Variants in NUP205 observed in about 807,000 individuals in gnomAD.
NUP205 encodes nucleoporin 205, also known as nuclear pore complex protein Nup205.
A neutral mutation model predicts 253.8 loss-of-function variants in NUP205; 76 were observed. The ratio of observed to expected loss-of-function variants is 0.30; its 90% CI spans 0.25 to 0.36. The LOEUF (loss-of-function observed/expected upper bound fraction) is 0.36. Among genes scored for constraint, NUP205 ranks in the 10% least tolerant of loss-of-function variants. NUP205 has a pLI of 1.00. For missense variants in NUP205, 2,162 were observed against 2,425.5 expected (o/e 0.89, Z 2.28); for synonymous variants, 832 against 850.1 (o/e 0.98, Z 0.37).
intron 10 of NUP205, among the ~76,000 whole-genome samples, chr7:135,589,731 G>C (rs1288123728): frequency 6.6e-6 from 1 of 151,316 alleles, no homozygotes; most frequent in East Asian, 1.9e-4. Context: ...AGGAGTTTTA[G>C]ACTAGTCTGA....
intron 1 of NUP205, among the ~76,000 whole-genome samples, chr7:135,567,174 A>ATATATATATATG (rs1805803075): frequency 1.9e-5 from 2 of 105,824 alleles, no homozygotes; most frequent in Non-Finnish European, 3.9e-5. Context: ...ATATATATAT[A>ATATATATATATG]TATATATGTA....
chr7:135,626,419 G>GA (rs60219549), intron 33 of NUP205, 58 bp downstream of exon 33: 54 of 1,534,926 alleles, frequency 3.5e-5, no homozygotes, highest in Non-Finnish European at 4.6e-5. Flanking sequence ...ATTAAGGGAA[G>GA]AAAAAATTCC....
chr7:135,616,283 A>G (rs1794356498), intron 24 of NUP205, among the ~76,000 whole-genome samples: 2 of 152,224 alleles, frequency 1.3e-5, no homozygotes, highest in South Asian at 4.1e-4. Context: ...CCGGTATTAT[A>G]TACAAAATTG....
chr7:135,570,835 A>AT (rs1805972098), intron 1 of NUP205, among the ~76,000 whole-genome samples: 1 of 44,386 alleles, frequency 2.3e-5, no homozygotes, highest in Non-Finnish European at 4.5e-5. Context: ...TATAAATTAT[A>AT]TATTATATAT....
chr7:135,605,090 C>G (rs1794059156), intron 19 of NUP205, among the ~76,000 whole-genome samples: 1 of 151,752 alleles, frequency 6.6e-6, no homozygotes, highest in African/African-American at 2.4e-5. Flanking sequence ...GGAACTCGCT[C>G]TATCACCCAG....
intron 35 of NUP205, among the ~76,000 whole-genome samples, chr7:135,634,673 G>A (rs1196709429): frequency 2.0e-5 from 3 of 152,126 alleles, no homozygotes; most frequent in Admixed American, 1.3e-4. Context: ...AGAAGAGAAA[G>A]CGATCCTGGG....
intron 12 of NUP205, 45 bp downstream of exon 12, chr7:135,593,237 A>G: frequency 6.5e-7 from 1 of 1,529,840 alleles, no homozygotes; most frequent in African/African-American, 1.4e-5. Context: ...ATTATAGCAC[A>G]GTAGCATTTT....
At chr7:135,607,104 T>A in intron 21 of NUP205, 143 bp from the exon 22 acceptor site, 4 of 1,202,012 alleles carry the variant, frequency 3.3e-6, no homozygotes, top group Non-Finnish European at 4.6e-6. Context: ...GAATCAGCCT[T>A]TATCAATTTT....
At chr7:135,631,104 A>C (rs146084777) in intron 35 of NUP205, among the ~76,000 whole-genome samples, 1,646 of 152,264 alleles carry the variant, frequency 0.011, 27 homozygotes, top group African/African-American at 0.037. Context: ...AGAGAGAAAG[A>C]AAGCAACAGA....
chr7:135,562,566 T>G (rs1805617399), intron 1 of NUP205, among the ~76,000 whole-genome samples: 1 of 125,298 alleles, frequency 8.0e-6, no homozygotes, highest in Admixed American at 9.7e-5. Context: ...TTTTTTTTTT[T>G]GAGACAGAGT....
Position 135,600,741 on chromosome 7 carries a change from G to A in NUP205, c.2275-129G>A, listed in dbSNP as rs1220712300. 2.2e-5 allele frequency: 11 copies of A among 495,298 alleles called. 1 individual carries two copies. Among genetic ancestry groups the A allele is most frequent in the South Asian group, 1.4e-4 (3 of 21,214 alleles). 30.7% of individuals were successfully genotyped at this position (495,298 alleles called of 1,614,324 possible). ...AATTGGGATTTCTATATTGCTTAGC[G>A]TAAGTGAATAAAGTGGACAAGAAAC... is the stretch of plus-strand genomic sequence containing the variant. On this transcript the variant is annotated intron_variant, in intron 15 of 42. Transcript: ENST00000285968.
chr7:135,603,059 A>G, intron 18 of NUP205, 65 bp downstream of exon 18: 1 of 1,276,194 alleles, frequency 7.8e-7, no homozygotes, highest in Non-Finnish European at 1.1e-6. Context: ...TGATTTTCAA[A>G]TCTGGTTAGG....
In NUP205 at chr7:135,571,260, C is replaced by A; in HGVS notation, c.171+13C>A. ...GTTCAAAAATCCGGTAAGAAATTTT[C>A]TTTTTCAGTTTTTTTGGGATTTTTT... is the stretch of plus-strand genomic sequence containing the variant. On this transcript the variant is annotated intron_variant, in intron 2 of 42. Transcript: ENST00000285968. 7.3e-7 allele frequency: 1 copy of A among 1,362,716 alleles called. No individual in the cohort carries two copies. The highest frequency in any genetic ancestry group is 2.1e-5 in the South Asian group (1 of 48,760). 84.4% of individuals were successfully genotyped at this position (1,362,716 alleles called of 1,614,324 possible). A position where few individuals can be genotyped will look rare whatever the true frequency, so the allele number is the denominator to read the frequency against.
intron 15 of NUP205, among the ~76,000 whole-genome samples, chr7:135,599,869 T>C (rs1793926813): frequency 6.6e-6 from 1 of 152,198 alleles, no homozygotes. Context: ...GTGCTTTGGA[T>C]TGAGATAAAT....
chr7:135,625,425 AAATT>A, intron 32 of NUP205, 70 bp downstream of exon 32: 1 of 1,132,992 alleles, frequency 8.8e-7, no homozygotes, highest in Non-Finnish European at 1.2e-6. Context: ...GTATTAAAGA[AAATT>A]AATGTGGCAT....
chr7:135,570,050 T>TAGAGAGAGAG (rs768445558), intron 1 of NUP205, among the ~76,000 whole-genome samples: 18 of 88,916 alleles, frequency 2.0e-4, no homozygotes, highest in African/African-American at 6.6e-4. Context: ...TATATATATA[T>TAGAGAGAGAG]ATAGAGAGAG....
chr7:135,582,282 T>A (rs550895190), intron 7 of NUP205, among the ~76,000 whole-genome samples: 1 of 152,210 alleles, frequency 6.6e-6, no homozygotes, highest in South Asian at 2.1e-4. Context: ...AAGACTCTGT[T>A]TCAAAAAAAA....
rs759559866 is a variant in NUP205 at position 135,585,002 on chromosome 7, A to G, written c.1213A>G (p.Met405Val). The stretch of plus-strand genomic sequence containing the variant: ...CACAGATTTCCTTGCACTTATGCCA[A>G]TGAAGGTAAGTGTAATAATGTAGGA... ...LITDFLALMP[M>V]KVKQLRNRAD... Residue 405 changes from methionine to valine, a missense_variant, in exon 8 of 43, where the codon ATG becomes GTG. Coordinates refer to ENST00000285968, the MANE Select transcript of NUP205 (RefSeq NM_015135.3). 33 of 1,609,232 alleles carry G rather than the reference A, an allele frequency of 2.1e-5. 1 individual carries two copies. Among genetic ancestry groups the G allele is most frequent in the South Asian group, 3.3e-5 (3 of 90,910 alleles).
chr7:135,626,502 C>A, intron 33 of NUP205, 141 bp downstream of exon 33: 1 of 811,346 alleles, frequency 1.2e-6, no homozygotes, highest in South Asian at 2.1e-5. Flanking sequence ...GTGCCCCTGT[C>A]ATTTACTAAT....
Sources: allele counts gnomAD v4.1 joint callset (sites outside exome capture counted in the v4.1 genomes callset), GRCh38; gene constraint gnomAD v4.1.1; transcripts MANE v1.5; gene names NCBI Gene and HGNC (gene_info 2026-07-23, HGNC 2026-07-21).